The following GAB1 variants were observed in gnomAD, a reference collection of about 807,000 sequenced individuals.
GAB1 encodes GRB2-associated-binding protein 1.
GAB1 carries 19 observed loss-of-function variants against 66.5 expected under a neutral mutation model. The observed-to-expected ratio is 0.29, with a 90% CI of 0.20 to 0.42. GAB1 has a LOEUF of 0.42. Ranked by LOEUF, GAB1 falls within the 10% of genes least tolerant of loss-of-function variation. The pLI, the probability that GAB1 is intolerant of heterozygous loss-of-function variation, is 1.00. For synonymous variants in GAB1, 294 were observed against 301.4 expected, an observed-to-expected ratio of 0.98 and a Z score of 0.25; for missense variants, 732 against 858.5, an observed-to-expected ratio of 0.85 and a Z score of 1.84.
intron 1 of GAB1, among the ~76,000 whole-genome samples, chr4:143,397,800 A>G (rs1317898388): frequency 1.3e-5 from 2 of 152,198 alleles, no homozygotes; most frequent in East Asian, 3.9e-4. Flanking sequence ...TATCTTTCCA[A>G]GGTCCCTGCA....
At chr4:143,432,304 T>A (rs1014823598) in intron 2 of GAB1, among the ~76,000 whole-genome samples, 5 of 152,080 alleles carry the variant, frequency 3.3e-5, no homozygotes, top group Admixed American at 1.3e-4. Context: ...GTAAAAAGAT[T>A]TTTTGGTTTG....
chr4:143,359,378 C>T lies in GAB1; in HGVS notation c.72+22118C>T, dbSNP rs115622937. On this transcript the variant is annotated intron_variant, in intron 1 of 9. Transcript: ENST00000262994. Reference sequence around the variant, plus strand: ...GCAGAACAAATCAACAAAAAACCCACGGAAGCATTTTTATCTGTCTTTACC... The same window carrying T: ...GCAGAACAAATCAACAAAAAACCCATGGAAGCATTTTTATCTGTCTTTACC... Among the ~76,000 whole-genome samples, 1,080 of 152,226 alleles carry T rather than the reference C, an allele frequency of 7.1e-3. 15 individuals carry two copies. Among genetic ancestry groups the T allele is most frequent in the African/African-American group, 0.024 (1,011 of 41,528 alleles).
intron 2 of GAB1, chr4:143,424,742 G>C (rs551477454): frequency 1.0e-5 from 2 of 199,576 alleles, no homozygotes; most frequent in Admixed American, 5.3e-5. Flanking sequence ...GGATCACTAA[G>C]TCAGGAGATT....
intron 1 of GAB1, among the ~76,000 whole-genome samples, chr4:143,373,671 A>G (rs1730253884): frequency 6.6e-6 from 1 of 151,786 alleles, no homozygotes; most frequent in Non-Finnish European, 1.5e-5. Context: ...TCCACAAAAA[A>G]TCCAAAAATT....
intron 1 of GAB1, among the ~76,000 whole-genome samples, chr4:143,411,858 C>T (rs1017130976): frequency 6.6e-6 from 1 of 152,118 alleles, no homozygotes; most frequent in African/African-American, 2.4e-5. Context: ...CTTTTGTTTT[C>T]CAGCTTAATC....
intron 8 of GAB1, 92 bp from the exon 9 acceptor site, chr4:143,466,011 A>G (rs1735760219): frequency 5.7e-6 from 8 of 1,410,796 alleles, no homozygotes; most frequent in South Asian, 1.4e-5. Flanking sequence ...TCCTCTTGAA[A>G]GCAAATATTT....
intron 4 of GAB1, 52 bp downstream of exon 4, chr4:143,438,652 T>G (rs1044267110): frequency 6.5e-7 from 1 of 1,543,898 alleles, no homozygotes; most frequent in African/African-American, 1.4e-5. Context: ...AGAAAATCGA[T>G]TTTTCTGAAT....
chr4:143,369,149 C>T (rs1455525835), intron 1 of GAB1, among the ~76,000 whole-genome samples: 1 of 152,108 alleles, frequency 6.6e-6, no homozygotes, highest in Non-Finnish European at 1.5e-5. Context: ...CCGTGTTGGC[C>T]AGGCTGGTCT....
chr4:143,409,126 G>T (rs1444773640), intron 1 of GAB1, among the ~76,000 whole-genome samples: 1 of 152,218 alleles, frequency 6.6e-6, no homozygotes. Flanking sequence ...AGGAACAGGA[G>T]CTGATGCCTT....
chr4:143,436,982 G>C (rs1361662250), intron 3 of GAB1, among the ~76,000 whole-genome samples: 1 of 152,100 alleles, frequency 6.6e-6, no homozygotes, highest in Non-Finnish European at 1.5e-5. Flanking sequence ...GCCAGTAAGT[G>C]AAACAAGGAA....
At chr4:143,371,176 G>T (rs1264732539) in intron 1 of GAB1, among the ~76,000 whole-genome samples, 11 of 152,116 alleles carry the variant, frequency 7.2e-5, no homozygotes, top group African/African-American at 2.7e-4. Context: ...CAGTGGAAAA[G>T]TGTTCCTATT....
chr4:143,425,583 G>C (rs1177184103), intron 2 of GAB1: 1 of 762,892 alleles, frequency 1.3e-6, no homozygotes, highest in Non-Finnish European at 2.4e-6. Flanking sequence ...GCTGGCTCGG[G>C]AAGTTCTGCG....
chr4:143,463,379 T>TA (rs1223769640), intron 8 of GAB1, among the ~76,000 whole-genome samples: 1 of 152,068 alleles, frequency 6.6e-6, no homozygotes, highest in Non-Finnish European at 1.5e-5. Flanking sequence ...CCCAGCACTT[T>TA]AAGGAGGCCG....
chr4:143,403,810 C>A (rs150255869), intron 1 of GAB1, among the ~76,000 whole-genome samples: 201 of 152,306 alleles, frequency 1.3e-3, no homozygotes, highest in African/African-American at 4.5e-3. Flanking sequence ...TCAGTAGCTC[C>A]AGAAGGCATA....
intron 1 of GAB1, among the ~76,000 whole-genome samples, chr4:143,360,237 A>G (rs1729608105): frequency 1.3e-5 from 2 of 152,222 alleles, no homozygotes; most frequent in African/African-American, 2.4e-5. Flanking sequence ...TATCACATCA[A>G]TTTTAAAAAA....
chr4:143,387,066 CTTAGGCATACTAG>C (rs1730950283), intron 1 of GAB1, among the ~76,000 whole-genome samples: 1 of 152,146 alleles, frequency 6.6e-6, no homozygotes, highest in African/African-American at 2.4e-5. Context: ...GAACTTTGTA[CTTAGGCATACTAG>C]TGGCCCATGG....
At chr4:143,415,843 C>T (rs1325475839) in intron 2 of GAB1, 72 bp downstream of exon 2, 6 of 1,201,528 alleles carry the variant, frequency 5.0e-6, no homozygotes, top group Non-Finnish European at 7.0e-6. Flanking sequence ...TCATACAATT[C>T]TTTGTTATTT....
intron 1 of GAB1, among the ~76,000 whole-genome samples, chr4:143,360,862 C>G (rs1382341994): frequency 1.3e-5 from 2 of 152,202 alleles, no homozygotes; most frequent in South Asian, 4.1e-4. Context: ...AAATCAAATG[C>G]ATTGCCCAAG....
Position 143,449,388 on chromosome 4 carries a change from A to G in GAB1, c.1585+9006A>G, listed in dbSNP as rs534975371. On this transcript the variant is annotated intron_variant, in intron 6 of 9. Transcript: ENST00000262994. The stretch of plus-strand genomic sequence containing the variant: ...TTGATCTGTCTAATGTTGACAGTGG[A>G]GTGTTAAAGTCTCCCATTATTATTG... Among the ~76,000 whole-genome samples the G allele has an allele frequency of 3.8e-3, 570 of 151,116 alleles. 3 individuals are homozygous for G. The highest frequency in any genetic ancestry group is 0.013 in the African/African-American group (536 of 40,808).
Sources: allele counts gnomAD v4.1 joint callset (sites outside exome capture counted in the v4.1 genomes callset), GRCh38; gene constraint gnomAD v4.1.1; transcripts MANE v1.5; gene names NCBI Gene and HGNC (gene_info 2026-07-23, HGNC 2026-07-21).